Variants in CABIN1 observed in about 807,000 individuals in gnomAD.
CABIN1 encodes calcineurin-binding protein cabin-1.
Under a neutral mutation model 227.7 loss-of-function variants are expected in CABIN1, and 133 were observed. That is an observed-to-expected ratio of 0.58 (90% CI 0.51 to 0.67). The LOEUF is 0.67. Ranked by LOEUF, CABIN1 falls within the 30% of genes least tolerant of loss-of-function variation. CABIN1 has a pLI of 0.00. For missense variants in CABIN1, 2,408 were observed against 2,852.5 expected (o/e 0.84, Z 3.55); for synonymous variants, 1,086 against 1,155.1 (o/e 0.94, Z 1.21).
intron 33 of CABIN1, among the ~76,000 whole-genome samples, chr22:24,169,071 AG>A (rs907721812): frequency 1.1e-3 from 157 of 137,036 alleles, no homozygotes; most frequent in African/African-American, 3.8e-3. Context: ...AGGGCTGGGG[AG>A]GGGGGGGCGG....
chr22:24,122,286 G>T (rs1602208510), intron 28 of CABIN1, among the ~76,000 whole-genome samples: 1 of 152,152 alleles, frequency 6.6e-6, no homozygotes, highest in Non-Finnish European at 1.5e-5. Context: ...TCTAGTACAG[G>T]TTGAATATCC....
chr22:24,074,462 ATATTAT>A (rs1307571350), intron 18 of CABIN1, among the ~76,000 whole-genome samples: 1 of 152,184 alleles, frequency 6.6e-6, no homozygotes, highest in Non-Finnish European at 1.5e-5. Flanking sequence ...ATCCTGGGAA[ATATTAT>A]TAATATTCTC....
chr22:24,133,008 T>G (rs932979326), intron 28 of CABIN1, among the ~76,000 whole-genome samples: 6 of 152,178 alleles, frequency 3.9e-5, no homozygotes, highest in African/African-American at 7.2e-5. Context: ...TGGCCTCTGT[T>G]CTCAGTTGGG....
chr22:24,018,349 T>A (rs1481999773), intron 1 of CABIN1, among the ~76,000 whole-genome samples: 1 of 152,212 alleles, frequency 6.6e-6, no homozygotes, highest in African/African-American at 2.4e-5. Context: ...TTGTGAATTT[T>A]AAATCATATT....
chr22:24,140,789 A>C (rs935979021), intron 29 of CABIN1, among the ~76,000 whole-genome samples: 1 of 152,164 alleles, frequency 6.6e-6, no homozygotes, highest in Non-Finnish European at 1.5e-5. Context: ...GCAGGCAGCA[A>C]TGGTGGCCTG....
intron 35 of CABIN1, among the ~76,000 whole-genome samples, chr22:24,176,573 G>T (rs1601318400): frequency 1.3e-5 from 2 of 152,186 alleles, no homozygotes; most frequent in East Asian, 3.9e-4. Context: ...GCCTGCTTGG[G>T]CCCACTGCAG....
At chr22:24,139,682 C>T (rs2044634397) in intron 29 of CABIN1, among the ~76,000 whole-genome samples, 1 of 152,214 alleles carries the variant, frequency 6.6e-6, no homozygotes, top group Non-Finnish European at 1.5e-5. Context: ...TCTGCAGCTG[C>T]TGCCCAGTCT....
At chr22:24,175,518 C>T (rs1032734511) in intron 34 of CABIN1, among the ~76,000 whole-genome samples, 1 of 152,206 alleles carries the variant, frequency 6.6e-6, no homozygotes, top group Admixed American at 6.5e-5. Context: ...GCCTGGAGGC[C>T]TGGGAACCGG....
At chr22:24,038,486 T>C in intron 4 of CABIN1, 25 bp downstream of exon 4, 2 of 1,545,750 alleles carry the variant, frequency 1.3e-6, no homozygotes, top group Non-Finnish European at 1.8e-6. Flanking sequence ...GGCCAGGCAG[T>C]GTGCCGTGGT....
Position 24,171,912 on chromosome 22 carries a change from C to T in CABIN1, c.5957C>T (p.Ser1986Phe). The change falls in exon 34 of 37, where the codon TCC becomes TTC. Residue 1986 changes from serine to phenylalanine, a missense_variant. Transcript: ENST00000263119. ...ACCTGCCCTCCGTCAGCATCAGCTT[C>T]CACCCTGGACCAGTCCAAGGACCCT... ...IITCPPSASA[S>F]TLDQSKDPGP... is the part of the protein sequence containing the mutation. The T allele has an allele frequency of 6.2e-7, 1 of 1,614,024 alleles. No homozygotes were observed. The highest frequency in any genetic ancestry group is 8.5e-7 in the Non-Finnish European group (1 of 1,180,046).
chr22:24,087,580 G>A lies in CABIN1; in HGVS notation c.3392G>A (p.Arg1131Gln), dbSNP rs750168386. 1.2e-5 allele frequency: 19 copies of A among 1,614,136 alleles called. No individual in the cohort carries two copies. The highest frequency in any genetic ancestry group is 1.6e-4 in the Middle Eastern group (1 of 6,062). The change falls in exon 23 of 37, where the codon CGG becomes CAG. Residue 1131 changes from arginine to glutamine, a missense_variant. Transcript: ENST00000263119. ...ACGCCCGTCTTGAACTGCTTCCGTC[G>A]GGCCCTGGAGATTGACAGCTCCAAC... ...HATPVLNCFR[R>Q]ALEIDSSNLS...
At chr22:24,134,825 C>T (rs1457212896) in intron 29 of CABIN1, among the ~76,000 whole-genome samples, 2 of 152,260 alleles carry the variant, frequency 1.3e-5, no homozygotes, top group African/African-American at 4.8e-5. Context: ...CGCCTGTAGT[C>T]CCAGCACTTT....
chr22:24,066,785 A>G (rs2039711880), intron 15 of CABIN1, among the ~76,000 whole-genome samples: 1 of 152,240 alleles, frequency 6.6e-6, no homozygotes, highest in South Asian at 2.1e-4. Flanking sequence ...TTGGATGCCT[A>G]GCCATTAATA....
intron 23 of CABIN1, among the ~76,000 whole-genome samples, chr22:24,088,971 G>C (rs970954672): frequency 2.0e-5 from 3 of 152,216 alleles, no homozygotes; most frequent in Non-Finnish European, 4.4e-5. Context: ...GATTCTGTTT[G>C]TGTTGCAGTG....
chr22:24,157,859 C>T (rs932383372), intron 29 of CABIN1, among the ~76,000 whole-genome samples: 7 of 152,088 alleles, frequency 4.6e-5, no homozygotes, highest in African/African-American at 1.4e-4. Flanking sequence ...TCTGGGGGGG[C>T]GGGGAGGCCC....
intron 27 of CABIN1, 64 bp from the exon 28 acceptor site, chr22:24,119,303 T>G: frequency 7.1e-7 from 1 of 1,410,618 alleles, no homozygotes. Flanking sequence ...TTACTGGTGG[T>G]AGACCACTGC....
rs770527609 is a variant in CABIN1, at chr22:24,072,446, G to T, written c.2568G>T (p.Trp856Cys). 6 of 1,614,194 alleles carry T rather than the reference G, an allele frequency of 3.7e-6. No individual in the cohort carries two copies. The highest frequency in any genetic ancestry group is 3.3e-5 in the Admixed American group (2 of 60,028). Residue 856 changes from tryptophan (W) to cysteine (C), a missense_variant, in exon 18 of 37, where the codon TGG becomes TGT. By Grantham distance (215) the Trp-to-Cys change is radical. Around this residue, in one of 3 missense-constraint regions of CABIN1, gnomAD observed 1,045 missense variants for 1,168.4 expected, o/e 0.89. Coordinates refer to ENST00000263119, the MANE Select transcript of CABIN1 (RefSeq NM_012295.4). ...GGATCATTCTACACCGGATCATCTG[G>T]CAGGAGGAAGACACCTTCCATTCTC... ...LPWIILHRII[W>C]QEEDTFHSLC...
chr22:24,099,851 A>G (rs2042104172), intron 26 of CABIN1, among the ~76,000 whole-genome samples: 1 of 152,212 alleles, frequency 6.6e-6, no homozygotes, highest in Non-Finnish European at 1.5e-5. Flanking sequence ...GTCACGCCAC[A>G]TGCGCCACTG....
intron 29 of CABIN1, among the ~76,000 whole-genome samples, chr22:24,155,465 T>G (rs1403025875): frequency 1.3e-5 from 2 of 152,094 alleles, no homozygotes; most frequent in Non-Finnish European, 1.5e-5. Flanking sequence ...GCTTTCTCTG[T>G]GGGCCTCACA....
Sources: allele counts gnomAD v4.1 joint callset (sites outside exome capture counted in the v4.1 genomes callset), GRCh38; gene constraint gnomAD v4.1.1; regional missense constraint gnomAD v4.1.1; transcripts MANE v1.5; gene names NCBI Gene and HGNC (gene_info 2026-07-23, HGNC 2026-07-21).